The following ALPK1 variants were observed in gnomAD, a reference collection of about 807,000 sequenced individuals.
ALPK1 encodes the protein alpha kinase 1, also known as alpha-protein kinase 1.
A neutral mutation model predicts 120.6 loss-of-function variants in ALPK1; 110 were observed. The observed-to-expected ratio is 0.91, with a 90% CI of 0.78 to 1.07. The LOEUF (loss-of-function observed/expected upper bound fraction) is 1.07, where lower values mean the gene tolerates loss of function less well. ALPK1 is among the 50% of genes least tolerant of loss of function. The pLI is 0.00. For synonymous variants in ALPK1, 582 were observed against 560.3 expected, an observed-to-expected ratio of 1.04 and a Z score of -0.55; for missense variants, 1,498 against 1,483.9, an observed-to-expected ratio of 1.01 and a Z score of -0.16.
chr4:112,365,955 G>T (rs1731131540), intron 2 of ALPK1, among the ~76,000 whole-genome samples: 2 of 152,090 alleles, frequency 1.3e-5, no homozygotes, highest in South Asian at 4.2e-4. Context: ...ATATAGTGGG[G>T]AAAGGACACC....
At chr4:112,391,147 C>T (rs1732397514) in intron 4 of ALPK1, among the ~76,000 whole-genome samples, 1 of 152,186 alleles carries the variant, frequency 6.6e-6, no homozygotes, top group Non-Finnish European at 1.5e-5. Context: ...TTAGGCTAGG[C>T]CCTCACAACC....
At chr4:112,424,245 C>T (rs1251083168) in intron 6 of ALPK1, among the ~76,000 whole-genome samples, 1 of 151,812 alleles carries the variant, frequency 6.6e-6, no homozygotes, top group African/African-American at 2.4e-5. Flanking sequence ...GGCCTGCTTC[C>T]TTACAGAGTA....
At chr4:112,346,867 G>A (rs540193293) in intron 2 of ALPK1, among the ~76,000 whole-genome samples, 1 of 152,284 alleles carries the variant, frequency 6.6e-6, no homozygotes, top group South Asian at 2.1e-4. Flanking sequence ...TTATTGTAAT[G>A]GGAAGAGTCC....
At chr4:112,441,154 C>T (rs1226495087) in intron 15 of ALPK1, 49 bp downstream of exon 15, 6 of 1,613,606 alleles carry the variant, frequency 3.7e-6, no homozygotes, top group East Asian at 4.5e-5. Context: ...CTTAGTGATG[C>T]TCTCAAATAT....
At chr4:112,310,842 C>T (rs970555051) in intron 1 of ALPK1, among the ~76,000 whole-genome samples, 2 of 152,060 alleles carry the variant, frequency 1.3e-5, no homozygotes, top group African/African-American at 4.8e-5. Context: ...TTATTAAGTG[C>T]TATGTATATC....
At chr4:112,353,443 G>C (rs1374374009) in intron 2 of ALPK1, among the ~76,000 whole-genome samples, 1 of 152,176 alleles carries the variant, frequency 6.6e-6, no homozygotes, top group South Asian at 2.1e-4. Context: ...TGGACACTGG[G>C]TCAGTGAGTG....
Position 112,305,647 on chromosome 4 carries a change from G to C in ALPK1, c.-153+8178G>C, listed in dbSNP as rs148155770. Among the ~76,000 whole-genome samples, 760 of 152,138 alleles carry C rather than the reference G, an allele frequency of 5.0e-3. 6 individuals are homozygous for C. Among genetic ancestry groups the C allele is most frequent in the Non-Finnish European group, 7.9e-3 (536 of 68,026 alleles). The stretch of plus-strand genomic sequence containing the variant: ...TGCCTATCAGTTTAAGGAGATTTTG[G>C]GCTGAGACGATGGGGTTTTCCAGAT... On this transcript the variant is annotated intron_variant, in intron 1 of 15. Transcript: ENST00000650871.
chr4:112,411,926 A>C lies in ALPK1; in HGVS notation c.376A>C (p.Lys126Gln). Residue 126 changes from lysine (K) to glutamine (Q), a missense_variant, in exon 5 of 16, where the codon AAA becomes CAA. Lys to Gln is a moderately conservative substitution (Grantham distance 53). Coordinates refer to ENST00000650871, the MANE Select transcript of ALPK1 (RefSeq NM_025144.4). ...RFLYGLDVSGKLLQVAKGLHK... is the reference protein window; with the variant it reads ...RFLYGLDVSGQLLQVAKGLHK... The stretch of plus-strand genomic sequence containing the variant: ...CCTGTATGGGCTCGACGTCTCTGGA[A>C]AACTTCTGCAGGTCGCCAAAGGTCT... 6.2e-7 allele frequency: 1 copy of C among 1,614,078 alleles called. No homozygotes were observed. Among genetic ancestry groups the C allele is most frequent in the East Asian group, 2.2e-5 (1 of 44,856 alleles).
intron 14 of ALPK1, among the ~76,000 whole-genome samples, chr4:112,440,662 G>A (rs1303533509): frequency 2.6e-5 from 4 of 151,994 alleles, no homozygotes; most frequent in Non-Finnish European, 5.9e-5. Flanking sequence ...TTGAAAAATT[G>A]GTGATCTGGG....
chr4:112,322,060 G>A (rs942716663), intron 2 of ALPK1, among the ~76,000 whole-genome samples: 2 of 152,202 alleles, frequency 1.3e-5, no homozygotes, highest in African/African-American at 4.8e-5. Flanking sequence ...GGGTTGATGT[G>A]AATGACGGCA....
At position 112,431,526 on chromosome 4, in the gene ALPK1, C is replaced by T. The variant is rs35389530; in HGVS notation, c.1979C>T (p.Pro660Leu). Reference protein sequence around the residue: ...LQEPNNDNLEPSQNQPQQQMP... With the variant: ...LQEPNNDNLELSQNQPQQQMP... Reference sequence around the variant, plus strand: ...GAACCCAACAATGACAATTTGGAGCCTTCTCAAAATCAGCCACAGCAACAG... The same window carrying T: ...GAACCCAACAATGACAATTTGGAGCTTTCTCAAAATCAGCCACAGCAACAG... Residue 660 changes from proline (P) to leucine (L), a missense_variant, in exon 11 of 16, where the codon CCT becomes CTT. Coordinates refer to ENST00000650871, the MANE Select transcript of ALPK1 (RefSeq NM_025144.4). The T allele has an allele frequency of 5.9e-4, 957 of 1,614,214 alleles. 11 individuals are homozygous for T. The East Asian group carries it at 0.02, about 33-fold the overall frequency.
At chr4:112,340,665 C>T (rs1037108974) in intron 2 of ALPK1, among the ~76,000 whole-genome samples, 6 of 152,136 alleles carry the variant, frequency 3.9e-5, no homozygotes, top group African/African-American at 1.4e-4. Context: ...CTGAAAATTT[C>T]TTATTTGTGA....
At chr4:112,391,866 G>A (rs530008979) in intron 4 of ALPK1, among the ~76,000 whole-genome samples, 2 of 152,270 alleles carry the variant, frequency 1.3e-5, no homozygotes, top group Non-Finnish European at 2.9e-5. Context: ...AAGTGCATAT[G>A]TGTAAGACAA....
At chr4:112,389,750 G>A (rs1246580892) in intron 4 of ALPK1, among the ~76,000 whole-genome samples, 1 of 152,196 alleles carries the variant, frequency 6.6e-6, no homozygotes, top group Non-Finnish European at 1.5e-5. Context: ...CTTCTTGGAT[G>A]TCTTACAGAC....
chr4:112,309,567 C>T (rs1728304081), intron 1 of ALPK1, among the ~76,000 whole-genome samples: 1 of 152,106 alleles, frequency 6.6e-6, no homozygotes, highest in South Asian at 2.1e-4. Flanking sequence ...ATATAATCTC[C>T]TCGTATGCCA....
Position 112,348,770 on chromosome 4 carries a change from A to G in ALPK1, c.-100-28908A>G, listed in dbSNP as rs532578041. Among the ~76,000 whole-genome samples the G allele has an allele frequency of 3.3e-5, 5 of 152,322 alleles. No homozygotes were observed. In the East Asian group the frequency reaches 9.6e-4, roughly 29 times the overall value. ...TCACACAGCCACATGGTGGACTTTC[A>G]TTATGTCAGCCCAGGAGTGTGGTCT... is the stretch of plus-strand genomic sequence containing the variant. On this transcript the variant is annotated intron_variant, in intron 2 of 15. Coordinates refer to ENST00000650871, the MANE Select transcript of ALPK1 (RefSeq NM_025144.4).
chr4:112,349,767 T>C (rs1245027089), intron 2 of ALPK1, among the ~76,000 whole-genome samples: 2 of 152,114 alleles, frequency 1.3e-5, no homozygotes, highest in Non-Finnish European at 2.9e-5. Flanking sequence ...TTAGCCAGGA[T>C]GGTCTTGATT....
chr4:112,417,363 A>C (rs1176520907), intron 5 of ALPK1, among the ~76,000 whole-genome samples: 2 of 152,252 alleles, frequency 1.3e-5, no homozygotes, highest in Admixed American at 6.5e-5. Context: ...AATATCACTT[A>C]TATAATTAAT....
intron 2 of ALPK1, chr4:112,356,018 C>A: frequency 1.5e-6 from 1 of 683,498 alleles, no homozygotes; most frequent in South Asian, 1.6e-5. Flanking sequence ...AGTGTGCATG[C>A]TCGCATCACT....
Sources: allele counts gnomAD v4.1 joint callset (sites outside exome capture counted in the v4.1 genomes callset), GRCh38; gene constraint gnomAD v4.1.1; transcripts MANE v1.5; gene names NCBI Gene and HGNC (gene_info 2026-07-23, HGNC 2026-07-21).